The following THRB variants were observed in gnomAD, a reference collection of about 807,000 sequenced individuals.
The protein encoded by THRB is thyroid hormone receptor beta, also known as nuclear receptor subfamily 1 group A member 2.
A neutral mutation model predicts 47.8 loss-of-function variants in THRB; 12 were observed. That is an observed-to-expected ratio of 0.25 (90% CI 0.16 to 0.41). The LOEUF (loss-of-function observed/expected upper bound fraction) is 0.41. THRB is among the 10% of genes least tolerant of loss of function. The pLI, the probability that THRB is intolerant of heterozygous loss-of-function variation, is 1.00. For missense variants in THRB, 348 were observed against 589.2 expected (o/e 0.59, Z 4.24); for synonymous variants, 218 against 212.2 (o/e 1.03, Z -0.24).
chr3:24,261,961 T>C (rs2052089469), intron 3 of THRB, among the ~76,000 whole-genome samples: 1 of 152,226 alleles, frequency 6.6e-6, no homozygotes, highest in Non-Finnish European at 1.5e-5. Context: ...CTATCTGTAC[T>C]TACTCCCTTG....
At chr3:24,282,781 C>G (rs1308215732) in intron 3 of THRB, among the ~76,000 whole-genome samples, 2 of 149,822 alleles carry the variant, frequency 1.3e-5, no homozygotes, top group African/African-American at 5.0e-5. Flanking sequence ...GAAATACAAA[C>G]TACCATCAGA....
At chr3:24,281,339 G>A (rs1335036887) in intron 3 of THRB, among the ~76,000 whole-genome samples, 1 of 150,994 alleles carries the variant, frequency 6.6e-6, no homozygotes, top group Non-Finnish European at 1.5e-5. Flanking sequence ...GCCAAACTAA[G>A]CTTCATAAGT....
chr3:24,320,429 C>T (rs1038061101), intron 2 of THRB, among the ~76,000 whole-genome samples: 4 of 152,108 alleles, frequency 2.6e-5, no homozygotes, highest in Non-Finnish European at 4.4e-5. Flanking sequence ...CAGGGCAGGA[C>T]AAATGTTTGG....
At chr3:24,436,473 GCA>G (rs555084268) in intron 1 of THRB, among the ~76,000 whole-genome samples, 10 of 151,198 alleles carry the variant, frequency 6.6e-5, no homozygotes, top group South Asian at 2.1e-4. Context: ...TAGATAGTAT[GCA>G]CACACACACA....
chr3:24,426,842 A>G (rs1473988945), intron 1 of THRB, among the ~76,000 whole-genome samples: 1 of 151,998 alleles, frequency 6.6e-6, no homozygotes, highest in Admixed American at 6.6e-5. Context: ...TTTACACTGT[A>G]TAAAAGAAAA....
intron 5 of THRB, among the ~76,000 whole-genome samples, chr3:24,160,403 C>G (rs1479350877): frequency 6.6e-6 from 1 of 152,052 alleles, no homozygotes; most frequent in Non-Finnish European, 1.5e-5. Context: ...AAGCAGAAGG[C>G]TTTAAGCAAG....
At chr3:24,133,281 T>G in intron 9 of THRB, 35 bp downstream of exon 9, 1 of 1,611,518 alleles carries the variant, frequency 6.2e-7, no homozygotes, top group South Asian at 1.1e-5. Flanking sequence ...AAACTATAAT[T>G]AAGAATAATG....
intron 1 of THRB, among the ~76,000 whole-genome samples, chr3:24,422,790 C>T (rs2069391567): frequency 6.6e-6 from 1 of 151,852 alleles, no homozygotes; most frequent in African/African-American, 2.4e-5. Context: ...AAAATAATCT[C>T]CAAAGATGGC....
At chr3:24,325,023 G>A (rs569653286) in intron 2 of THRB, among the ~76,000 whole-genome samples, 134 of 152,194 alleles carry the variant, frequency 8.8e-4, no homozygotes, top group African/African-American at 3.1e-3. Context: ...ATGTAGTCAG[G>A]GTCTATCTCT....
At chr3:24,341,924 G>A (rs1331666863) in intron 1 of THRB, among the ~76,000 whole-genome samples, 1 of 152,090 alleles carries the variant, frequency 6.6e-6, no homozygotes, top group Non-Finnish European at 1.5e-5. Flanking sequence ...ATATAAGACA[G>A]CCCAAGGAAG....
In THRB at chr3:24,118,057, C is replaced by G. The variant is rs2030973849; in HGVS notation, c.*4827G>C. The G allele has an allele frequency of 6.6e-6, 1 of 152,346 alleles. No individual in the cohort carries two copies. The highest frequency in any genetic ancestry group is 2.4e-5 in the African/African-American group (1 of 41,444). The allele number at this position is 152,346 out of a possible 1,614,324, so 9.4% of individuals were successfully genotyped here. ...CTTCTCTCCCTCCATAGTTTCTTCT[C>G]AAGTAAATTTGCTTATTCTAGTAGA... On this transcript the variant is annotated 3_prime_UTR_variant, in exon 11 of 11. Transcript: ENST00000646209.
At chr3:24,232,163 T>C (rs2048322614) in intron 3 of THRB, among the ~76,000 whole-genome samples, 1 of 152,160 alleles carries the variant, frequency 6.6e-6, no homozygotes. Flanking sequence ...GGAAGGGAAA[T>C]GCCATTCCAT....
intron 1 of THRB, among the ~76,000 whole-genome samples, chr3:24,454,287 C>T (rs935504774): frequency 6.6e-6 from 1 of 152,126 alleles, no homozygotes; most frequent in Non-Finnish European, 1.5e-5. Flanking sequence ...ATTCCATATA[C>T]ATGAGATGTC....
intron 1 of THRB, among the ~76,000 whole-genome samples, chr3:24,486,996 T>C (rs575168504): frequency 6.6e-6 from 1 of 152,318 alleles, no homozygotes; most frequent in South Asian, 2.1e-4. Context: ...CCAGCTTATA[T>C]AAATTAATAC....
At chr3:24,366,812 A>G (rs138971624) in intron 1 of THRB, among the ~76,000 whole-genome samples, 240 of 151,562 alleles carry the variant, frequency 1.6e-3, no homozygotes, top group Non-Finnish European at 2.5e-3. Flanking sequence ...GTAGAGATGA[A>G]GTTTCACCAT....
At chr3:24,234,914 G>A (rs960171805) in intron 3 of THRB, among the ~76,000 whole-genome samples, 5 of 152,186 alleles carry the variant, frequency 3.3e-5, no homozygotes, top group Non-Finnish European at 7.3e-5. Flanking sequence ...GCCAGATGGT[G>A]AAGAGTCTTG....
chr3:24,203,713 C>T (rs1238402287), intron 4 of THRB, among the ~76,000 whole-genome samples: 1 of 152,166 alleles, frequency 6.6e-6, no homozygotes. Flanking sequence ...CAAGGCATCA[C>T]CTCACCCGGG....
rs559325556 is a variant in THRB at position 24,118,973 on chromosome 3, G to GTTTTTT, written c.*3905_*3910dup. ...GCCAAACCTTTTTTCCCCCAGTCTG[G>GTTTTTT]TTTTTTTTTTTTTTTTTTTTTTTTT... On this transcript the variant is annotated 3_prime_UTR_variant, in exon 11 of 11. Transcript: ENST00000646209. 9.3e-4 allele frequency: 46 copies of GTTTTTT among 49,492 alleles called. No homozygotes were observed. The highest frequency in any genetic ancestry group is 2.5e-3 in the East Asian group (3 of 1,180). The allele number at this position is 49,492 out of a possible 1,614,324, so 3.1% of individuals were successfully genotyped here.
intron 6 of THRB, among the ~76,000 whole-genome samples, chr3:24,151,157 T>G (rs1331055467): frequency 1.3e-5 from 2 of 152,218 alleles, no homozygotes; most frequent in African/African-American, 4.8e-5. Context: ...AAAAAGCAAG[T>G]CTTGCAACCT....
Sources: gnomAD v4.1 joint callset for allele counts (sites outside exome capture counted in the v4.1 genomes callset) on GRCh38, gnomAD v4.1.1 for gene constraint, MANE v1.5 for transcripts, NCBI Gene and HGNC (gene_info 2026-07-23, HGNC 2026-07-21) for gene names.